Variants in KANSL1 observed in about 807,000 individuals in gnomAD.
KANSL1 encodes MLL1/MLL complex subunit KANSL1.
A neutral mutation model predicts 103.6 loss-of-function variants in KANSL1; 22 were observed. The ratio of observed to expected loss-of-function variants is 0.21; its 90% CI spans 0.15 to 0.30. The LOEUF (loss-of-function observed/expected upper bound fraction) is 0.30. KANSL1 is among the 10% of genes least tolerant of loss of function. The pLI is 1.00. For missense variants in KANSL1, 1,337 were observed against 1,399.8 expected, an observed-to-expected ratio of 0.96 and a Z score of 0.72; for synonymous variants, 600 against 527.6, an observed-to-expected ratio of 1.14 and a Z score of -1.88.
At chr17:46,135,155 T>C (rs1005380089) in intron 2 of KANSL1, among the ~76,000 whole-genome samples, 13 of 146,464 alleles carry the variant, frequency 8.9e-5, no homozygotes, top group Non-Finnish European at 1.6e-4. Context: ...AGAAATAACT[T>C]GGGGAAAAAA....
Position 46,171,649 on chromosome 17 carries a change from T to A in KANSL1, c.495A>T (p.Ser165=). The change falls in exon 2 of 15, where the codon TCA becomes TCT. Residue 165 remains serine (S), a synonymous_variant. Coordinates refer to ENST00000432791, the MANE Select transcript of KANSL1 (RefSeq NM_015443.4). ...TGGAATTGTCATGATCAGAATGTGT[T>A]GAACTTTTAGTCAATTTCTTAGCCA... ...NGLAKKLTKS[S]THSDHDNSTS... is the part of the protein sequence containing the mutation. 6.4e-7 allele frequency: 1 copy of A among 1,556,470 alleles called. No individual in the cohort carries two copies.
At chr17:46,101,272 G>A (rs1221383874) in intron 2 of KANSL1, among the ~76,000 whole-genome samples, 2 of 152,124 alleles carry the variant, frequency 1.3e-5, no homozygotes, top group East Asian at 1.9e-4. Context: ...TCACTACCTA[G>A]CTCAAAAGCA....
chr17:46,077,471 C>T (rs1231209363), intron 4 of KANSL1, among the ~76,000 whole-genome samples: 1 of 152,208 alleles, frequency 6.6e-6, no homozygotes, highest in Non-Finnish European at 1.5e-5. Flanking sequence ...AGCATCACAG[C>T]TCAGGAATAA....
intron 4 of KANSL1, among the ~76,000 whole-genome samples, chr17:46,078,889 G>C (rs1416195840): frequency 1.3e-5 from 2 of 152,170 alleles, no homozygotes; most frequent in Admixed American, 6.5e-5. Context: ...TTCAAAAGGA[G>C]TCTTAAATTT....
intron 1 of KANSL1, among the ~76,000 whole-genome samples, chr17:46,204,121 T>G (rs2047890598): frequency 6.6e-6 from 1 of 152,004 alleles, no homozygotes; most frequent in Non-Finnish European, 1.5e-5. Context: ...GCCACTGTAC[T>G]CCAGCCTAGG....
rs556714451 is a variant in KANSL1 at position 46,170,580 on chromosome 17, C to A, written c.1289+275G>T. The A allele has an allele frequency of 1.9e-4, 90 of 465,666 alleles. 1 individual carries two copies. Among genetic ancestry groups the A allele is most frequent in the African/African-American group, 1.7e-3 (85 of 50,506 alleles). 28.8% of individuals were successfully genotyped at this position (465,666 alleles called of 1,614,324 possible). On this transcript the variant is annotated intron_variant, in intron 2 of 14. Transcript: ENST00000432791. ...ATTCACTCTTAAAGAGGTACTAGTACAATTTTACACATAAGATGTCTCCTA... is the reference window on the plus strand; with the variant it reads ...ATTCACTCTTAAAGAGGTACTAGTAAAATTTTACACATAAGATGTCTCCTA...
intron 9 of KANSL1, 63 bp downstream of exon 9, chr17:46,038,964 G>A (rs1254220357): frequency 2.4e-5 from 38 of 1,563,212 alleles, no homozygotes; most frequent in Non-Finnish European, 3.1e-5. Flanking sequence ...AGAAGCCTAG[G>A]CTGCCCCAGA....
upstream of KANSL1, chr17:46,196,144 G>A (rs1372516699): frequency 1.1e-5 from 4 of 360,762 alleles, no homozygotes; most frequent in Admixed American, 3.8e-5. Flanking sequence ...TCCAGAAGCT[G>A]AGGGGATTGC....
At chr17:46,062,568 AG>A (rs1568404158) in intron 6 of KANSL1, among the ~76,000 whole-genome samples, 2 of 151,134 alleles carry the variant, frequency 1.3e-5, no homozygotes, top group Admixed American at 1.3e-4. Context: ...CATGTTGGCC[AG>A]GGTGGTCTTG....
chr17:46,135,813 G>A (rs559956721), intron 2 of KANSL1, among the ~76,000 whole-genome samples: 7 of 150,126 alleles, frequency 4.7e-5, no homozygotes, highest in Admixed American at 6.7e-5. Context: ...TTATAGGTGT[G>A]AGCCACTGCA....
intron 2 of KANSL1, among the ~76,000 whole-genome samples, chr17:46,154,474 C>T (rs535790656): frequency 6.6e-5 from 10 of 152,172 alleles, no homozygotes; most frequent in Non-Finnish European, 1.5e-4. Context: ...TACAGATGGG[C>T]GTCACCACGT....
intron 6 of KANSL1, among the ~76,000 whole-genome samples, chr17:46,058,567 C>T (rs187252362): frequency 2.6e-5 from 4 of 152,270 alleles, no homozygotes; most frequent in East Asian, 1.9e-4. Flanking sequence ...GAAAATACTA[C>T]TATAGGGATA....
chr17:46,089,133 C>T (rs1021725382), intron 3 of KANSL1, among the ~76,000 whole-genome samples: 26 of 152,278 alleles, frequency 1.7e-4, no homozygotes, highest in African/African-American at 6.0e-4. Context: ...ACTCAAGGTA[C>T]GTATATTGTT....
intron 10 of KANSL1, chr17:46,038,197 T>C: frequency 4.1e-6 from 1 of 241,400 alleles, no homozygotes; most frequent in Non-Finnish European, 8.0e-6. Flanking sequence ...GCCAACAGGA[T>C]TAGGGCCACG....
chr17:46,051,393 A>C (rs1049461047), intron 6 of KANSL1, among the ~76,000 whole-genome samples: 4 of 152,250 alleles, frequency 2.6e-5, no homozygotes, highest in African/African-American at 9.6e-5. Flanking sequence ...AAAGGGTAGA[A>C]ATTATTTCCA....
At chr17:46,075,727 T>C (rs1165814646) in intron 4 of KANSL1, among the ~76,000 whole-genome samples, 1 of 152,216 alleles carries the variant, frequency 6.6e-6, no homozygotes, top group Non-Finnish European at 1.5e-5. Flanking sequence ...CAGGTTCCTA[T>C]CAGTTACAGT....
rs766912233 is a variant in KANSL1, at chr17:46,094,691, A to G, written c.1300T>C (p.Ser434Pro). 2.5e-6 allele frequency: 4 copies of G among 1,614,142 alleles called. No homozygotes were observed. The Middle Eastern group carries it at 4.9e-4, about 200-fold the overall frequency. Residue 434 changes from serine to proline, a missense_variant, in exon 3 of 15, where the codon TCA becomes CCA. Physicochemically the swap from Ser to Pro is moderately conservative, Grantham distance 74. Coordinates refer to ENST00000432791, the MANE Select transcript of KANSL1 (RefSeq NM_015443.4). ...CGGTCTGCAGCCCATTTCCATTCTGACCTGCGTCTCCTAAAAGGAAATAAA... is the reference window on the plus strand; with the variant it reads ...CGGTCTGCAGCCCATTTCCATTCTGGCCTGCGTCTCCTAAAAGGAAATAAA... ...EQRHVPLRRR[S>P]EWKWAADRAA...
At chr17:46,140,150 T>C (rs1197162413) in intron 2 of KANSL1, among the ~76,000 whole-genome samples, 7 of 152,204 alleles carry the variant, frequency 4.6e-5, no homozygotes, top group Non-Finnish European at 1.0e-4. Flanking sequence ...ACATATATAT[T>C]TTTGTTGCCA....
intron 2 of KANSL1, among the ~76,000 whole-genome samples, chr17:46,156,619 C>T (rs570726700): frequency 2.0e-5 from 3 of 152,312 alleles, no homozygotes; most frequent in South Asian, 4.1e-4. Context: ...AATACTAAAA[C>T]GAAACAGAGA....
Sources: allele counts gnomAD v4.1 joint callset (sites outside exome capture counted in the v4.1 genomes callset), GRCh38; gene constraint gnomAD v4.1.1; transcripts MANE v1.5; gene names NCBI Gene and HGNC (gene_info 2026-07-23, HGNC 2026-07-21).